MCTP2: variants seen among roughly 807,000 people sequenced by gnomAD.
MCTP2 encodes the protein multiple C2 and transmembrane domain containing 2, also known as multiple C2 and transmembrane domain-containing protein 2.
A neutral mutation model predicts 111.6 loss-of-function variants in MCTP2; 132 were observed. The observed-to-expected ratio is 1.18, with a 90% CI of 1.03 to 1.37. The LOEUF (loss-of-function observed/expected upper bound fraction) is 1.37, where lower values mean the gene tolerates loss of function less well. Among genes scored for constraint, MCTP2 ranks in the 40% most tolerant of loss-of-function variants. The pLI, the probability that MCTP2 is intolerant of heterozygous loss-of-function variation, is 0.00. For missense variants in MCTP2, 1,183 were observed against 1,067.9 expected, an observed-to-expected ratio of 1.11 and a Z score of -1.50; for synonymous variants, 395 against 387.7, an observed-to-expected ratio of 1.02 and a Z score of -0.22.
rs760368511 is a variant in MCTP2, at chr15:94,367,620, C to A, written c.1317C>A (p.Ile439=). Residue 439 remains isoleucine, a synonymous_variant, in exon 11 of 23, where the codon ATC becomes ATA. Transcript: ENST00000357742. ...ACTTTTCTAGGTGTAAAGTGGATAT[C>A]TCGGCACTCCCTCTGAAGCAAGCCA... ...EERLGTCKVD[I]SALPLKQANC... is the part of the protein sequence containing the mutation. 6.2e-7 allele frequency: 1 copy of A among 1,610,934 alleles called. No individual in the cohort carries two copies. Among genetic ancestry groups the A allele is most frequent in the Admixed American group, 1.7e-5 (1 of 59,522 alleles).
intron 12 of MCTP2, among the ~76,000 whole-genome samples, chr15:94,376,168 T>G (rs2079762809): frequency 6.6e-6 from 1 of 152,208 alleles, no homozygotes; most frequent in Non-Finnish European, 1.5e-5. Flanking sequence ...AGTTCACTGG[T>G]TCCTTGGCTA....
intron 2 of MCTP2, among the ~76,000 whole-genome samples, chr15:94,311,657 C>A (rs1329303365): frequency 6.6e-6 from 1 of 152,084 alleles, no homozygotes; most frequent in African/African-American, 2.4e-5. Context: ...GCTGTGGGAA[C>A]CATAACTTTA....
At position 94,293,672 on chromosome 15, in the gene MCTP2, C is replaced by T. The variant is rs117739408; in HGVS notation, c.-65-4529C>T. On this transcript the variant is annotated intron_variant, in intron 1 of 22. Coordinates refer to ENST00000357742, the MANE Select transcript of MCTP2 (RefSeq NM_001385001.1). ...ACATACCTATTAGAATGGCTATGCA[C>T]ATACCTATTAGAATGGCTAAAATTA... is the stretch of plus-strand genomic sequence containing the variant. Among the ~76,000 whole-genome samples the T allele has an allele frequency of 2.4e-4, 37 of 152,274 alleles. No homozygotes were observed. In the East Asian group the frequency reaches 7.1e-3, roughly 29 times the overall value.
At chr15:94,396,663 C>A (rs1424222834) in intron 14 of MCTP2, among the ~76,000 whole-genome samples, 4 of 151,948 alleles carry the variant, frequency 2.6e-5, no homozygotes, top group African/African-American at 9.7e-5. Context: ...TGTTCTTAAC[C>A]CAAACATATT....
chr15:94,351,998 T>C (rs2078331507), intron 8 of MCTP2, among the ~76,000 whole-genome samples: 1 of 152,172 alleles, frequency 6.6e-6, no homozygotes, highest in African/African-American at 2.4e-5. Flanking sequence ...CTTCCTCAGT[T>C]TCCTCTGCAG....
intron 1 of MCTP2, among the ~76,000 whole-genome samples, chr15:94,265,019 G>A (rs2073432671): frequency 6.6e-6 from 1 of 151,790 alleles, no homozygotes; most frequent in Non-Finnish European, 1.5e-5. Flanking sequence ...TTTTTTCCTT[G>A]TTATAGGGCA....
At chr15:94,323,290 T>C (rs927829175) in intron 4 of MCTP2, among the ~76,000 whole-genome samples, 25 of 152,136 alleles carry the variant, frequency 1.6e-4, no homozygotes, top group African/African-American at 6.0e-4. Flanking sequence ...TCAGGGTCTT[T>C]AGCTGTGGCC....
At position 94,356,282 on chromosome 15, in the gene MCTP2, A is replaced by G. The variant is rs758041892; in HGVS notation, c.1151A>G (p.Asp384Gly). The change falls in exon 9 of 23, where the codon GAT becomes GGT. Residue 384 changes from aspartate (D) to glycine (G), a missense_variant. By Grantham distance (94) the Asp-to-Gly change is moderately conservative (BLOSUM62 -1). Transcript: ENST00000357742. Reference protein sequence around the residue: ...TEMFVQLKLGDQRYKSKTLCK... With the variant: ...TEMFVQLKLGGQRYKSKTLCK... ...ATGTTTGTCCAGTTAAAACTGGGAGATCAGAGGTATAAAAGTAAGGTAAGT... is the reference window on the plus strand; with the variant it reads ...ATGTTTGTCCAGTTAAAACTGGGAGGTCAGAGGTATAAAAGTAAGGTAAGT... 5 of 1,609,200 alleles carry G rather than the reference A, an allele frequency of 3.1e-6. No homozygotes were observed. The East Asian group carries it at 1.1e-4, about 36-fold the overall frequency.
rs572367366 is a variant in MCTP2 at position 94,375,671 on chromosome 15, C to T, written c.1582+5491C>T. On this transcript the variant is annotated intron_variant, in intron 12 of 22. Transcript: ENST00000357742. ...TTGGTAATAAAGGTGTCACTTGGAC[C>T]CTTTTCTCTTTCCGTTGTTAATAAA... Among the ~76,000 whole-genome samples, 3 of 152,192 alleles carry T rather than the reference C, an allele frequency of 2.0e-5. No homozygotes were observed. The South Asian group carries it at 6.2e-4, about 32-fold the overall frequency.
At chr15:94,316,989 C>T (rs1026447300) in intron 4 of MCTP2, among the ~76,000 whole-genome samples, 1 of 152,016 alleles carries the variant, frequency 6.6e-6, no homozygotes, top group African/African-American at 2.4e-5. Flanking sequence ...ATGACTTTTT[C>T]CTCTCGGGAA....
chr15:94,330,632 G>A (rs78445557), intron 4 of MCTP2, among the ~76,000 whole-genome samples: 5,061 of 151,974 alleles, frequency 0.033, 158 homozygotes, highest in African/African-American at 0.093. Flanking sequence ...TGGGGCCCTC[G>A]TTTTTTGGTG....
At position 94,367,809 on chromosome 15, in the gene MCTP2, T is replaced by C. The variant is rs761765607; in HGVS notation, c.1488+18T>C. On this transcript the variant is annotated intron_variant, in intron 11 of 22. Coordinates refer to ENST00000357742, the MANE Select transcript of MCTP2 (RefSeq NM_001385001.1). ...AGCGATATGTGAGTGTTTTTCCTTA[T>C]TGTACACTCCCCCTCCTCCCACCTT... 7 of 1,586,482 alleles carry C rather than the reference T, an allele frequency of 4.4e-6. No homozygotes were observed. Among genetic ancestry groups the C allele is most frequent in the East Asian group, 2.3e-5 (1 of 43,318 alleles).
At position 94,458,026 on chromosome 15, in the gene MCTP2, G is replaced by A. The variant is rs2084944217; in HGVS notation, c.2251-111G>A. 2.4e-5 allele frequency: 15 copies of A among 634,488 alleles called. No individual in the cohort carries two copies. The South Asian group carries it at 2.7e-4, about 11-fold the overall frequency. The allele number at this position is 634,488 out of a possible 1,614,324, so 39.3% of individuals were successfully genotyped here. The stretch of plus-strand genomic sequence containing the variant: ...GTTGTAAAACAATGATTTATCTCTT[G>A]TGTCACTCTATTGGTAAAAACCTTG... On this transcript the variant is annotated intron_variant, in intron 19 of 22. Transcript: ENST00000357742.
At chr15:94,375,172 T>C (rs890845272) in intron 12 of MCTP2, among the ~76,000 whole-genome samples, 1 of 152,018 alleles carries the variant, frequency 6.6e-6, no homozygotes, top group Non-Finnish European at 1.5e-5. Context: ...GACCAATGGA[T>C]AGGGGATGCT....
intron 1 of MCTP2, among the ~76,000 whole-genome samples, chr15:94,255,913 T>C (rs911484100): frequency 6.6e-6 from 1 of 152,100 alleles, no homozygotes; most frequent in Non-Finnish European, 1.5e-5. Context: ...CAGTTGTACT[T>C]ACTTCTGTTA....
At chr15:94,343,632 A>G (rs1567476684) in intron 7 of MCTP2, 1 of 152,216 alleles carries the variant, frequency 6.6e-6, no homozygotes, top group Non-Finnish European at 1.5e-5. Context: ...GTGGCAAAAA[A>G]CAGGAAAAAA....
intron 12 of MCTP2, among the ~76,000 whole-genome samples, chr15:94,376,911 G>C (rs112206431): frequency 9.3e-4 from 141 of 152,240 alleles, no homozygotes; most frequent in African/African-American, 1.6e-3. Context: ...ATAGCTTGGC[G>C]TGTTCATCTT....
chr15:94,267,331 C>T (rs1034046735), intron 1 of MCTP2, among the ~76,000 whole-genome samples: 3 of 152,038 alleles, frequency 2.0e-5, no homozygotes, highest in Non-Finnish European at 2.9e-5. Flanking sequence ...TTTTTATGTA[C>T]GAATTCTTTC....
chr15:94,410,748 G>C (rs555292321), intron 17 of MCTP2, among the ~76,000 whole-genome samples: 3 of 152,186 alleles, frequency 2.0e-5, no homozygotes, highest in African/African-American at 7.2e-5. Flanking sequence ...TACACAGTAG[G>C]CATCTAATCA....
Sources: allele counts gnomAD v4.1 joint callset (sites outside exome capture counted in the v4.1 genomes callset), GRCh38; gene constraint gnomAD v4.1.1; transcripts MANE v1.5; gene names NCBI Gene and HGNC (gene_info 2026-07-23, HGNC 2026-07-21).